Variants in SH3PXD2B observed in about 807,000 individuals in gnomAD.
SH3PXD2B encodes the protein SH3 and PX domain-containing protein 2B.
SH3PXD2B carries 37 observed loss-of-function variants against 73.1 expected under a neutral mutation model. The observed-to-expected ratio is 0.51, with a 90% confidence interval of 0.39 to 0.67. SH3PXD2B has a LOEUF of 0.67. SH3PXD2B is among the 30% of genes least tolerant of loss of function. SH3PXD2B has a pLI of 0.00. For synonymous variants in SH3PXD2B, 457 were observed against 480.5 expected (o/e 0.95, Z 0.64); for missense variants, 1,053 against 1,197.8 (o/e 0.88, Z 1.78).
intron 2 of SH3PXD2B, among the ~76,000 whole-genome samples, chr5:172,419,037 G>A (rs756041892): frequency 1.3e-5 from 2 of 152,094 alleles, no homozygotes; most frequent in Non-Finnish European, 2.9e-5. Flanking sequence ...AGGTGCGTCC[G>A]CTTAACCAGC....
At chr5:172,326,017 C>T (rs1756441247) in intron 12 of SH3PXD2B, among the ~76,000 whole-genome samples, 1 of 152,180 alleles carries the variant, frequency 6.6e-6, no homozygotes, top group African/African-American at 2.4e-5. Context: ...GAGCTCCCGA[C>T]CTCAGGTGAT....
chr5:172,452,233 C>T (rs1759812152), intron 1 of SH3PXD2B, among the ~76,000 whole-genome samples: 1 of 152,114 alleles, frequency 6.6e-6, no homozygotes, highest in South Asian at 2.1e-4. Flanking sequence ...AGATCTGAAT[C>T]CCAATCTATG....
At chr5:172,404,616 T>C (rs993371255) in intron 3 of SH3PXD2B, among the ~76,000 whole-genome samples, 6 of 152,168 alleles carry the variant, frequency 3.9e-5, no homozygotes, top group Admixed American at 6.5e-5. Context: ...AAAGGGCCCG[T>C]CCAGCTCTAA....
In SH3PXD2B at chr5:172,353,992, T is replaced by G. The variant is rs751973174; in HGVS notation, c.681A>C (p.Thr227=). 6.2e-7 allele frequency: 1 copy of G among 1,614,088 alleles called. No homozygotes were observed. Among genetic ancestry groups the G allele is most frequent in the South Asian group, 1.1e-5 (1 of 91,082 alleles). ...CCCGAGCTGTGTACGGGTAGATGAC[T>G]GTGTACTTCTCCTCTGTGGGGACAA... ...SLQPEEEEKY[T]VIYPYTARDQ... is the part of the protein sequence containing the mutation. The change falls in exon 9 of 13, where the codon ACA becomes ACC. Residue 227 remains threonine (T), a synonymous_variant. Coordinates refer to ENST00000311601, the MANE Select transcript of SH3PXD2B (RefSeq NM_001017995.3). The surrounding 1 kb of genome is among the most constrained non-coding windows in gnomAD (Gnocchi z 4.3).
At chr5:172,359,976 G>A (rs1757363887) in intron 7 of SH3PXD2B, among the ~76,000 whole-genome samples, 1 of 152,102 alleles carries the variant, frequency 6.6e-6, no homozygotes, top group Non-Finnish European at 1.5e-5. Flanking sequence ...GAGCCAAGGC[G>A]GCTTCCAGGA....
intron 12 of SH3PXD2B, among the ~76,000 whole-genome samples, chr5:172,340,519 C>T (rs976815963): frequency 2.0e-5 from 3 of 152,186 alleles, no homozygotes; most frequent in African/African-American, 7.2e-5. Flanking sequence ...TCAGAGCTAC[C>T]CTTGATCCTG....
downstream of SH3PXD2B, among the ~76,000 whole-genome samples, chr5:172,331,002 C>A (rs1756543962): frequency 1.3e-5 from 2 of 152,074 alleles, no homozygotes; most frequent in Admixed American, 6.5e-5. Flanking sequence ...CATGACCAGC[C>A]TGGCCAACAT....
At chr5:172,449,315 A>G (rs1179246889) in intron 1 of SH3PXD2B, among the ~76,000 whole-genome samples, 1 of 152,190 alleles carries the variant, frequency 6.6e-6, no homozygotes, top group Non-Finnish European at 1.5e-5. Flanking sequence ...TAAGTGACCC[A>G]TCCAAGGTCA....
At chr5:172,349,469 A>C (rs1757109461) in intron 10 of SH3PXD2B, among the ~76,000 whole-genome samples, 1 of 152,224 alleles carries the variant, frequency 6.6e-6, no homozygotes, top group South Asian at 2.1e-4. Context: ...TGGGAACATT[A>C]AATGGTAAAA....
intron 8 of SH3PXD2B, among the ~76,000 whole-genome samples, chr5:172,357,386 T>C (rs1234587607): frequency 1.3e-5 from 2 of 151,592 alleles, no homozygotes; most frequent in Non-Finnish European, 2.9e-5. Flanking sequence ...ATCATGCCAC[T>C]GTACTCCAGC....
intron 8 of SH3PXD2B, chr5:172,356,870 C>T (rs1050629230): frequency 2.0e-5 from 3 of 152,474 alleles, no homozygotes; most frequent in Admixed American, 1.3e-4. Context: ...GCACATGTCC[C>T]CATCCAGGAG....
rs964044073 is a variant in SH3PXD2B, at chr5:172,445,233, CAT to C, written c.75+9043_75+9044del. Among the ~76,000 whole-genome samples, 14 of 152,340 alleles carry C rather than the reference CAT, an allele frequency of 9.2e-5. No homozygotes were observed. Among genetic ancestry groups the C allele is most frequent in the African/African-American group, 2.4e-4 (10 of 41,590 alleles). On this transcript the variant is annotated intron_variant, in intron 1 of 12. Transcript: ENST00000311601. This position sits in a 1 kb window ranked among gnomAD's most constrained non-coding sequence, Gnocchi z 5.2. ...TCTCAATCCCTGCTTTGTCTATCCACATGTCATCTCTGTCGCCCAGGCTGGAG... is the reference window on the plus strand; with the variant it reads ...TCTCAATCCCTGCTTTGTCTATCCACGTCATCTCTGTCGCCCAGGCTGGAG...
downstream of SH3PXD2B, among the ~76,000 whole-genome samples, chr5:172,328,962 T>G (rs1756495773): frequency 6.6e-6 from 1 of 151,430 alleles, no homozygotes. Flanking sequence ...TGACATTTAT[T>G]TATTAATCCA....
intron 4 of SH3PXD2B, among the ~76,000 whole-genome samples, chr5:172,386,830 G>A (rs376183738): frequency 3.3e-5 from 5 of 152,224 alleles, no homozygotes; most frequent in African/African-American, 9.6e-5. Flanking sequence ...GTTTCACCAC[G>A]TTGCCCAGGC....
chr5:172,332,105 C>T (rs993679304), downstream of SH3PXD2B, among the ~76,000 whole-genome samples: 17 of 152,108 alleles, frequency 1.1e-4, no homozygotes, highest in African/African-American at 3.9e-4. Flanking sequence ...GTCCCATTGC[C>T]GTCCCATCCC....
chr5:172,443,603 C>T (rs534744529), intron 1 of SH3PXD2B, among the ~76,000 whole-genome samples: 2 of 152,340 alleles, frequency 1.3e-5, no homozygotes, highest in South Asian at 4.1e-4. Context: ...GTCATCTTAG[C>T]CTCTCTCTGG....
Position 172,414,772 on chromosome 5 carries a change from G to A in SH3PXD2B, c.156+7644C>T, listed in dbSNP as rs151039766. Among the ~76,000 whole-genome samples, 158 of 152,290 alleles carry A rather than the reference G, an allele frequency of 1.0e-3. 2 individuals are homozygous for A. The highest frequency in any genetic ancestry group is 1.4e-3 in the Non-Finnish European group (95 of 68,036). ...TACAGATGAGGCTGGCATTTCTCCC[G>A]AGGGCTCCTTCACGGGCAGAGTGAC... On this transcript the variant is annotated intron_variant, in intron 2 of 12. Transcript: ENST00000311601.
chr5:172,335,244 A>T lies in SH3PXD2B; in HGVS notation c.*3125T>A. On this transcript the variant is annotated 3_prime_UTR_variant, in exon 13 of 13. Coordinates refer to ENST00000311601, the MANE Select transcript of SH3PXD2B (RefSeq NM_001017995.3). ...GTTAATAAGCAGGGGTGAGGGGAAG[A>T]AAAAAAAATCTCTGCCCACCTTTTG... The T allele has an allele frequency of 1.9e-6, 2 of 1,057,482 alleles. No individual in the cohort carries two copies. Among genetic ancestry groups the T allele is most frequent in the Non-Finnish European group, 2.3e-6 (2 of 877,556 alleles). 65.5% of individuals were successfully genotyped at this position (1,057,482 alleles called of 1,614,324 possible).
chr5:172,435,093 T>C lies in SH3PXD2B; in HGVS notation c.76-12597A>G, dbSNP rs78590665. ...AGCCACCACACACAGCAGGTCTCCT[T>C]TCTTAAAGAAGGCACAGAAGACCTC... On this transcript the variant is annotated intron_variant, in intron 1 of 12. Transcript: ENST00000311601. 1.7e-3 allele frequency among the ~76,000 whole-genome samples: 264 copies of C among 152,284 alleles called. 6 individuals carry two copies. Among genetic ancestry groups the C allele is most frequent in the Admixed American group, 0.015 (233 of 15,302 alleles).
Sources: allele counts gnomAD v4.1 joint callset (sites outside exome capture counted in the v4.1 genomes callset), GRCh38; gene constraint gnomAD v4.1.1; non-coding constraint Gnocchi (gnomAD v3.1); transcripts MANE v1.5; gene names NCBI Gene and HGNC (gene_info 2026-07-23, HGNC 2026-07-21).